Variants in TAF15 observed in about 807,000 individuals in gnomAD.
TAF15 encodes the protein TATA-binding protein-associated factor 2N.
Under a neutral mutation model 102.5 loss-of-function variants are expected in TAF15, and 37 were observed. The ratio of observed to expected loss-of-function variants is 0.36; its 90% CI spans 0.28 to 0.47. The LOEUF is 0.47. Among genes scored for constraint, TAF15 ranks in the 20% least tolerant of loss-of-function variants. The probability of loss-of-function intolerance (pLI) is 0.99; values close to 1 mark genes in which losing one functional copy is unlikely to be tolerated. For missense variants in TAF15, 652 were observed against 760.7 expected, an observed-to-expected ratio of 0.86 and a Z score of 1.68; for synonymous variants, 273 against 259.2, an observed-to-expected ratio of 1.05 and a Z score of -0.51.
At chr17:35,813,095 G>A (rs1375904392) in intron 1 of TAF15, among the ~76,000 whole-genome samples, 2 of 140,146 alleles carry the variant, frequency 1.4e-5, no homozygotes, top group Non-Finnish European at 3.0e-5. Context: ...TCCAGCTTGG[G>A]TGACAGAGCA....
intron 8 of TAF15, chr17:35,834,241 T>A: frequency 2.6e-6 from 1 of 380,192 alleles, no homozygotes; most frequent in African/African-American, 2.1e-5. Flanking sequence ...TTTGTTCTTA[T>A]AAAGGTAGCT....
chr17:35,847,018 C>T lies in TAF15; in HGVS notation c.*73C>T, dbSNP rs1278827535. 4 of 1,512,228 alleles carry T rather than the reference C, an allele frequency of 2.6e-6. No homozygotes were observed. Among genetic ancestry groups the T allele is most frequent in the Non-Finnish European group, 3.7e-6 (4 of 1,087,518 alleles). 93.7% of individuals were successfully genotyped at this position (1,512,228 alleles called of 1,614,324 possible). A position where few individuals can be genotyped will look rare whatever the true frequency, so the allele number is the denominator to read the frequency against. On this transcript the variant is annotated 3_prime_UTR_variant, in exon 16 of 16. Transcript: ENST00000605844. ...TTGCCAGAGTTTTGCCTGCTGCTTT[C>T]CTCGTGGCCTCTTCTTGGGTAGTGA... is the stretch of plus-strand genomic sequence containing the variant.
intron 10 of TAF15, 25 bp downstream of exon 10, chr17:35,836,266 A>G (rs1295547592): frequency 7.0e-7 from 1 of 1,436,312 alleles, no homozygotes; most frequent in African/African-American, 1.4e-5. Flanking sequence ...TATATGTTGA[A>G]AATCTCATAA....
chr17:35,819,894 C>CT, intron 2 of TAF15, 130 bp from the exon 3 acceptor site: 3 of 803,464 alleles, frequency 3.7e-6, no homozygotes, highest in Non-Finnish European at 4.2e-6. Flanking sequence ...ACTCTAGAGA[C>CT]AGGGAGATTG....
intron 8 of TAF15, 57 bp from the exon 9 acceptor site, chr17:35,834,509 T>A: frequency 6.4e-7 from 1 of 1,555,038 alleles, no homozygotes; most frequent in South Asian, 1.1e-5. Context: ...ATTTTTTTTG[T>A]TAATGATTTT....
chr17:35,822,045 T>TA (rs112456883), intron 5 of TAF15, among the ~76,000 whole-genome samples: 3 of 151,502 alleles, frequency 2.0e-5, no homozygotes, highest in South Asian at 2.1e-4. Context: ...TTTTTTTTTT[T>TA]AATTCATAGA....
chr17:35,847,112 T>A lies in TAF15; in HGVS notation c.*167T>A. The A allele has an allele frequency of 1.3e-6, 1 of 742,876 alleles. No individual in the cohort carries two copies. The highest frequency in any genetic ancestry group is 2.7e-5 in the East Asian group (1 of 37,310). The allele number at this position is 742,876 out of a possible 1,614,324, so 46.0% of individuals were successfully genotyped here. A position where few individuals can be genotyped will look rare whatever the true frequency, so the allele number is the denominator to read the frequency against. On this transcript the variant is annotated 3_prime_UTR_variant, in exon 16 of 16. Coordinates refer to ENST00000605844, the MANE Select transcript of TAF15 (RefSeq NM_139215.3). The stretch of plus-strand genomic sequence containing the variant: ...ACAGTTTTTCTTCTAGAAATGTCTG[T>A]TGAGATTTCCCCCTTTAGTTTCCAA...
intron 9 of TAF15, among the ~76,000 whole-genome samples, chr17:35,834,987 G>A (rs1288197679): frequency 4.0e-5 from 6 of 151,866 alleles, no homozygotes; most frequent in African/African-American, 9.7e-5. Context: ...CTCGAGATCC[G>A]CCTGTCTCAG....
intron 8 of TAF15, chr17:35,834,234 G>A: frequency 2.6e-6 from 1 of 382,996 alleles, no homozygotes; most frequent in Non-Finnish European, 4.5e-6. Context: ...TTGACAATTT[G>A]TTCTTATAAA....
intron 10 of TAF15, among the ~76,000 whole-genome samples, chr17:35,837,320 T>G (rs1223079500): frequency 6.7e-6 from 1 of 149,262 alleles, no homozygotes; most frequent in Non-Finnish European, 1.5e-5. Flanking sequence ...CCCAGCTAGT[T>G]AAAAATTTTT....
At chr17:35,817,076 G>A (rs914651063) in intron 1 of TAF15, 1 of 152,262 alleles carries the variant, frequency 6.6e-6, no homozygotes, top group African/African-American at 2.4e-5. Context: ...ATAGTGCTGG[G>A]ATTGTGTGAG....
intron 15 of TAF15, among the ~76,000 whole-genome samples, chr17:35,846,166 A>C (rs1344418164): frequency 6.6e-6 from 1 of 152,228 alleles, no homozygotes; most frequent in Non-Finnish European, 1.5e-5. Flanking sequence ...GGTTAAGAGC[A>C]TAAAGTTGGG....
intron 1 of TAF15, chr17:35,810,587 G>C (rs930747018): frequency 6.6e-6 from 1 of 152,220 alleles, no homozygotes; most frequent in Non-Finnish European, 1.5e-5. Context: ...ATGAGAGTTA[G>C]ATACCAGTTT....
At chr17:35,816,724 A>G (rs1011878531) in intron 1 of TAF15, 2 of 151,152 alleles carry the variant, frequency 1.3e-5, no homozygotes, top group Admixed American at 1.3e-4. Flanking sequence ...CTCTTCAGTA[A>G]TTTTTGATAT....
intron 15 of TAF15, among the ~76,000 whole-genome samples, chr17:35,845,410 A>G (rs1180461006): frequency 6.6e-6 from 1 of 152,002 alleles, no homozygotes. Flanking sequence ...GTGTGCCACC[A>G]CACCTCGCCA....
In TAF15 at chr17:35,844,351, CTCG is replaced by C. The variant is rs1428323136; in HGVS notation, c.1163_1165del (p.Arg388del). ...TGCAATGAGCCTAGACCAGAGGACT[CTCG>C]TCCCTCAGGAGGAGGTGGGTCAGCC... is the stretch of plus-strand genomic sequence containing the variant. On this transcript the variant is annotated inframe_deletion, in exon 14 of 16. Transcript: ENST00000605844. 1 of 1,614,120 alleles carries C rather than the reference CTCG, an allele frequency of 6.2e-7. No individual in the cohort carries two copies. Among genetic ancestry groups the C allele is most frequent in the African/African-American group, 1.3e-5 (1 of 74,954 alleles).
chr17:35,822,634 A>G lies in TAF15; in HGVS notation c.291-6A>G, dbSNP rs1035536518. ...GAAGTCTCTTAAGTTCTCCATTTCT[A>G]TTTAGCCAAGGTGGAAGAGCACCTT... On this transcript the variant is annotated splice_polypyrimidine_tract_variant and splice_region_variant and intron_variant, in intron 5 of 15. Coordinates refer to ENST00000605844, the MANE Select transcript of TAF15 (RefSeq NM_139215.3). The G allele has an allele frequency of 1.1e-5, 18 of 1,612,696 alleles. No individual in the cohort carries two copies. In the East Asian group the frequency reaches 1.8e-4, roughly 16 times the overall value.
intron 7 of TAF15, chr17:35,830,377 C>T (rs541372285): frequency 6.6e-6 from 1 of 152,218 alleles, no homozygotes; most frequent in South Asian, 2.1e-4. Context: ...TGTTAAATAT[C>T]TCTGCTACTT....
At chr17:35,827,998 A>G (rs1470794852) in intron 7 of TAF15, among the ~76,000 whole-genome samples, 2 of 152,230 alleles carry the variant, frequency 1.3e-5, no homozygotes, top group Non-Finnish European at 2.9e-5. Flanking sequence ...AGTTAAGGGC[A>G]TAAATTCTCC....
Sources: allele counts gnomAD v4.1 joint callset (sites outside exome capture counted in the v4.1 genomes callset), GRCh38; gene constraint gnomAD v4.1.1; transcripts MANE v1.5; gene names NCBI Gene and HGNC (gene_info 2026-07-23, HGNC 2026-07-21).